The following USP32 variants were observed in gnomAD, a reference collection of about 807,000 sequenced individuals.
The protein encoded by USP32 is ubiquitin carboxyl-terminal hydrolase 32.
Under a neutral mutation model 204.8 loss-of-function variants are expected in USP32, and 59 were observed. The ratio of observed to expected loss-of-function variants is 0.29; its 90% CI spans 0.23 to 0.36. USP32 has a LOEUF of 0.36. Among genes scored for constraint, USP32 ranks in the 10% least tolerant of loss-of-function variants. USP32 has a pLI of 1.00. For missense variants in USP32, 1,160 were observed against 1,946.4 expected, an observed-to-expected ratio of 0.60 and a Z score of 7.60; for synonymous variants, 517 against 678.4, an observed-to-expected ratio of 0.76 and a Z score of 3.70.
chr17:60,419,833 A>C (rs1254306722), intron 1 of USP32, among the ~76,000 whole-genome samples: 1 of 138,058 alleles, frequency 7.2e-6, no homozygotes, highest in Non-Finnish European at 1.6e-5. Context: ...TATTATTATT[A>C]TTATTATTAT....
Position 60,192,848 on chromosome 17 carries a change from A to T in USP32, c.3517T>A (p.Tyr1173Asn). ...DGNSCAWCPW[Y>N]RFCRGCKIDC... The stretch of plus-strand genomic sequence containing the variant: ...TTCTTTTGCAGGTCACTTTACCTAT[A>T]CCATGGGCACCAAGCACAGGAGTTC... The change falls in exon 28 of 34, where the codon TAT becomes AAT. Residue 1173 changes from tyrosine to asparagine, a missense_variant. By Grantham distance (143) the Tyr-to-Asn change is moderately radical (BLOSUM62 -2). This residue lies in a region of USP32 where 160 missense variants were observed against 322.5 expected (regional missense o/e 0.50). Transcript: ENST00000300896. 1 of 1,613,974 alleles carries T rather than the reference A, an allele frequency of 6.2e-7. No homozygotes were observed. Among genetic ancestry groups the T allele is most frequent in the Non-Finnish European group, 8.5e-7 (1 of 1,179,818 alleles).
intron 1 of USP32, among the ~76,000 whole-genome samples, chr17:60,371,293 G>A (rs1403209012): frequency 2.0e-5 from 3 of 148,458 alleles, no homozygotes; most frequent in Admixed American, 6.7e-5. Context: ...ATGGCCGGGC[G>A]CAGTGGCTCA....
chr17:60,225,966 A>AAAAAG (rs1567782446), intron 13 of USP32, 73 bp downstream of exon 13: 28 of 1,436,520 alleles, frequency 1.9e-5, no homozygotes, highest in Middle Eastern at 2.5e-4. Context: ...AAAAAAAAAA[A>AAAAAG]AAAAGAAAAG....
At chr17:60,341,860 G>C (rs2088666814) in intron 2 of USP32, among the ~76,000 whole-genome samples, 2 of 152,042 alleles carry the variant, frequency 1.3e-5, no homozygotes, top group Admixed American at 6.6e-5. Context: ...TACTCCTTTA[G>C]CTCGGAGAAG....
At chr17:60,280,562 A>G (rs191875114) in intron 5 of USP32, among the ~76,000 whole-genome samples, 18 of 152,352 alleles carry the variant, frequency 1.2e-4, no homozygotes, top group Non-Finnish European at 2.2e-4. Flanking sequence ...AAAGTAATTA[A>G]AGGCATCTGC....
intron 3 of USP32, among the ~76,000 whole-genome samples, chr17:60,295,645 T>C (rs1487772966): frequency 6.6e-6 from 1 of 152,210 alleles, no homozygotes; most frequent in Non-Finnish European, 1.5e-5. Flanking sequence ...AGTGGCCATT[T>C]TGGTTATCAG....
chr17:60,422,248 G>T (rs1335207269), exon 1 of USP32: 1 of 353,264 alleles, frequency 2.8e-6, no homozygotes, highest in Middle Eastern at 1.0e-3. Flanking sequence ...AGCCTTACCA[G>T]GTGGTGTCAG....
At chr17:60,411,645 G>T (rs1178724425) in intron 1 of USP32, among the ~76,000 whole-genome samples, 5 of 151,378 alleles carry the variant, frequency 3.3e-5, no homozygotes, top group African/African-American at 1.2e-4. Context: ...GAGTAGCTGA[G>T]ATTACAGGCA....
Position 60,251,062 on chromosome 17 carries a change from C to A in USP32, c.1136+1319G>T, listed in dbSNP as rs180857027. Among the ~76,000 whole-genome samples, 772 of 151,926 alleles carry A rather than the reference C, an allele frequency of 5.1e-3. 1 individual carries two copies. The highest frequency in any genetic ancestry group is 0.014 in the Middle Eastern group (4 of 294). ...GGCTCAAGCAATCCTCCCACCTCAG[C>A]CTCCCAAGTAGCTGGGACCACAGGC... On this transcript the variant is annotated intron_variant, in intron 11 of 33. Coordinates refer to ENST00000300896, the MANE Select transcript of USP32 (RefSeq NM_032582.4).
intron 1 of USP32, among the ~76,000 whole-genome samples, chr17:60,357,635 T>C (rs1048012114): frequency 1.3e-5 from 2 of 152,190 alleles, no homozygotes; most frequent in Non-Finnish European, 2.9e-5. Context: ...GTCCTAAGGG[T>C]ACCTTTATCT....
chr17:60,244,192 C>T (rs2085955696), intron 11 of USP32, among the ~76,000 whole-genome samples: 1 of 151,832 alleles, frequency 6.6e-6, no homozygotes, highest in South Asian at 2.1e-4. Flanking sequence ...CCCACCACCA[C>T]GCCCAGCTAA....
At chr17:60,382,679 A>G (rs186723586) in intron 1 of USP32, among the ~76,000 whole-genome samples, 1 of 152,304 alleles carries the variant, frequency 6.6e-6, no homozygotes. Context: ...CTTTAAGCAA[A>G]TAACTTTCTA....
chr17:60,362,257 T>C (rs2089224358), intron 1 of USP32, among the ~76,000 whole-genome samples: 1 of 152,076 alleles, frequency 6.6e-6, no homozygotes, highest in Non-Finnish European at 1.5e-5. Flanking sequence ...TTAACAAGCA[T>C]AAAAATGTGA....
Position 60,265,988 on chromosome 17 carries a change from A to T in USP32, c.915T>A (p.Thr305=), listed in dbSNP as rs2086581502. The part of the protein sequence containing the change: ...ALLEVWKDNR[T]DDIPELHMDL... ...AATCATAACTTACAGGAATATCATC[A>T]GTGCGGTTGTCCTTCCAGACTTCTA... The change falls in exon 8 of 34, where the codon ACT becomes ACA. Residue 305 remains threonine, a synonymous_variant. Transcript: ENST00000300896. 5.6e-6 allele frequency: 9 copies of T among 1,613,356 alleles called. No individual in the cohort carries two copies. The highest frequency in any genetic ancestry group is 7.6e-6 in the Non-Finnish European group (9 of 1,179,366).
At chr17:60,345,733 G>A (rs1379360473) in intron 1 of USP32, 125 bp from the exon 2 acceptor site, 54 of 1,279,990 alleles carry the variant, frequency 4.2e-5, no homozygotes, top group Non-Finnish European at 5.3e-5. Flanking sequence ...TATAATCCCA[G>A]TACTTTGGAA....
chr17:60,186,882 T>C lies in USP32; in HGVS notation c.3643-1231A>G, dbSNP rs559726657. 1.1e-4 allele frequency among the ~76,000 whole-genome samples: 16 copies of C among 152,266 alleles called. No individual in the cohort carries two copies. In the South Asian group the frequency reaches 3.1e-3, roughly 30 times the overall value. ...AATCATAGAGCCGGGATCCTTCTGTTTGTCCCTCTAATGTATGGGAAGGTG... is the reference window on the plus strand; with the variant it reads ...AATCATAGAGCCGGGATCCTTCTGTCTGTCCCTCTAATGTATGGGAAGGTG... On this transcript the variant is annotated intron_variant, in intron 29 of 33. Transcript: ENST00000300896.
Position 60,361,725 on chromosome 17 carries a change from TGAA to T in USP32, c.59-16120_59-16118del, listed in dbSNP as rs533664060. ...TATCTAAGGGTAGCTGTTTAAATAA[TGAA>T]GAAAAATCAATATCCACTTATCCTG... On this transcript the variant is annotated intron_variant, in intron 1 of 33. Transcript: ENST00000300896. Among the ~76,000 whole-genome samples the T allele has an allele frequency of 8.0e-3, 1,221 of 152,300 alleles. 5 individuals carry two copies. Among genetic ancestry groups the T allele is most frequent in the Non-Finnish European group, 0.012 (838 of 68,032 alleles).
At chr17:60,389,567 T>C (rs191099566) in intron 1 of USP32, among the ~76,000 whole-genome samples, 7 of 151,232 alleles carry the variant, frequency 4.6e-5, no homozygotes, top group Admixed American at 4.6e-4. Context: ...CTTCATAAAC[T>C]TTTTTTGTAA....
At chr17:60,213,842 A>G (rs1567772202) in intron 17 of USP32, among the ~76,000 whole-genome samples, 180 bp from the exon 18 acceptor site, 1 of 152,230 alleles carries the variant, frequency 6.6e-6, no homozygotes, top group African/African-American at 2.4e-5. Flanking sequence ...TATGACAGAA[A>G]GACAATGTGT....
Sources: allele counts gnomAD v4.1 joint callset (sites outside exome capture counted in the v4.1 genomes callset), GRCh38; gene constraint gnomAD v4.1.1; regional missense constraint gnomAD v4.1.1; transcripts MANE v1.5; gene names NCBI Gene and HGNC (gene_info 2026-07-23, HGNC 2026-07-21).